The following HECTD2 variants were observed in gnomAD, a reference collection of about 807,000 sequenced individuals.
HECTD2 encodes the protein HECT domain E3 ubiquitin protein ligase 2, also known as probable E3 ubiquitin-protein ligase HECTD2.
Under a neutral mutation model 103.2 loss-of-function variants are expected in HECTD2, and 35 were observed. The ratio of observed to expected loss-of-function variants is 0.34; its 90% CI spans 0.26 to 0.45. HECTD2 has a LOEUF of 0.45. Among genes scored for constraint, HECTD2 ranks in the 20% least tolerant of loss-of-function variants. The pLI is 1.00. For missense variants in HECTD2, 596 were observed against 937.4 expected (o/e 0.64, Z 4.76); for synonymous variants, 281 against 329.9 (o/e 0.85, Z 1.61).
At chr10:91,426,097 T>C (rs530813478) in intron 2 of HECTD2, among the ~76,000 whole-genome samples, 60 of 152,154 alleles carry the variant, frequency 3.9e-4, no homozygotes, top group African/African-American at 1.3e-3. Flanking sequence ...TCATTATAGG[T>C]AGAATATGAA....
chr10:91,432,445 G>A, intron 2 of HECTD2, among the ~76,000 whole-genome samples: 1 of 151,906 alleles, frequency 6.6e-6, no homozygotes, highest in East Asian at 1.9e-4. Context: ...TAAGTGAGAA[G>A]TGTAGGAGTT....
chr10:91,478,585 G>A (rs889093086), intron 6 of HECTD2, among the ~76,000 whole-genome samples: 2 of 152,054 alleles, frequency 1.3e-5, no homozygotes, highest in Admixed American at 6.5e-5. Context: ...CTGAAATAAT[G>A]AGCATTAAAT....
At chr10:91,440,543 T>C (rs907464383) in intron 2 of HECTD2, among the ~76,000 whole-genome samples, 19 of 149,864 alleles carry the variant, frequency 1.3e-4, no homozygotes, top group Admixed American at 1.2e-3. Flanking sequence ...ATTTTCTTTT[T>C]TTGTTGTGTC....
At chr10:91,498,077 G>GA (rs770328303) in intron 15 of HECTD2, 31 bp from the exon 16 acceptor site, 59 of 1,477,398 alleles carry the variant, frequency 4.0e-5, no homozygotes, top group African/African-American at 4.2e-5. Context: ...CTATTCTATT[G>GA]AAAAAATCAT....
At chr10:91,497,107 G>A (rs1846698703) in intron 15 of HECTD2, among the ~76,000 whole-genome samples, 1 of 139,426 alleles carries the variant, frequency 7.2e-6, no homozygotes, top group Admixed American at 7.2e-5. Context: ...TTTTAGGCAT[G>A]TGCCACCGTG....
chr10:91,474,886 TTAA>T (rs759586839), intron 5 of HECTD2, among the ~76,000 whole-genome samples: 11 of 152,306 alleles, frequency 7.2e-5, no homozygotes, highest in Admixed American at 1.3e-4. Context: ...AATTGAGGTC[TTAA>T]TGATGAAAAT....
chr10:91,497,070 G>A (rs968166761), intron 15 of HECTD2, among the ~76,000 whole-genome samples: 48 of 146,592 alleles, frequency 3.3e-4, no homozygotes, highest in Non-Finnish European at 4.5e-5. Flanking sequence ...AGTGATTCTC[G>A]TGCCTCAGCC....
In HECTD2 at chr10:91,492,413, G is replaced by GT. The variant is rs1362856718; in HGVS notation, c.1364dup (p.Leu455PhefsTer8). ...AAAGTTACATTTGTAGGGGAAGCTG[G>GT]TTTGGATATGGGTGGTTTGACTAAA... On this transcript the variant is annotated frameshift_variant, in exon 13 of 21. Coordinates refer to ENST00000298068, the MANE Select transcript of HECTD2 (RefSeq NM_182765.6). LOFTEE classifies it high-confidence loss of function. 6.2e-7 allele frequency: 1 copy of GT among 1,613,272 alleles called. No individual in the cohort carries two copies.
At chr10:91,478,652 A>T (rs1373535151) in intron 6 of HECTD2, among the ~76,000 whole-genome samples, 1 of 152,114 alleles carries the variant, frequency 6.6e-6, no homozygotes, top group Admixed American at 6.5e-5. Flanking sequence ...TATTATAGGG[A>T]CGCCTAAGGC....
intron 20 of HECTD2, among the ~76,000 whole-genome samples, chr10:91,503,740 A>G (rs1312460241): frequency 2.0e-5 from 3 of 152,182 alleles, no homozygotes; most frequent in Non-Finnish European, 2.9e-5. Flanking sequence ...AGGTAAACGA[A>G]GCAGCCAGGA....
chr10:91,479,083 A>G (rs1846002681), intron 6 of HECTD2, among the ~76,000 whole-genome samples: 3 of 152,126 alleles, frequency 2.0e-5, no homozygotes, highest in Non-Finnish European at 2.9e-5. Context: ...ATGTGGTTGC[A>G]CCGTCCTGTA....
chr10:91,493,412 T>G lies in HECTD2; in HGVS notation c.1433-8T>G. The G allele has an allele frequency of 6.8e-7, 1 of 1,468,468 alleles. No individual in the cohort carries two copies. The highest frequency in any genetic ancestry group is 9.1e-7 in the Non-Finnish European group (1 of 1,097,760). 91.0% of individuals were successfully genotyped at this position (1,468,468 alleles called of 1,614,324 possible). A position where few individuals can be genotyped will look rare whatever the true frequency, so the allele number is the denominator to read the frequency against. Reference sequence around the variant, plus strand: ...GTTAATAATAACATTATTCGTGTGTTTTTTTAGGCATGTTTACATATCACA... The same window carrying G: ...GTTAATAATAACATTATTCGTGTGTGTTTTTAGGCATGTTTACATATCACA... On this transcript the variant is annotated splice_polypyrimidine_tract_variant and splice_region_variant and intron_variant, in intron 13 of 20. Coordinates refer to ENST00000298068, the MANE Select transcript of HECTD2 (RefSeq NM_182765.6).
At position 91,491,202 on chromosome 10, in the gene HECTD2, A is replaced by G; in HGVS notation, c.1194A>G (p.Gln398=). The change falls in exon 12 of 21, where the codon CAA becomes CAG. Residue 398 remains glutamine (Q), a splice_region_variant and synonymous_variant. Coordinates refer to ENST00000298068, the MANE Select transcript of HECTD2 (RefSeq NM_182765.6). ...SEQQMINIAR[Q]SLVDKVSRRQ... ...TGTTTACTTTCTTATTTAATCAGCAAAGTCTGGTGGATAAAGTATCTCGAA... is the reference window on the plus strand; with the variant it reads ...TGTTTACTTTCTTATTTAATCAGCAGAGTCTGGTGGATAAAGTATCTCGAA... 1.3e-6 allele frequency: 2 copies of G among 1,510,182 alleles called. No individual in the cohort carries two copies. Among genetic ancestry groups the G allele is most frequent in the Non-Finnish European group, 1.8e-6 (2 of 1,092,390 alleles). The allele number at this position is 1,510,182 out of a possible 1,614,324, so 93.5% of individuals were successfully genotyped here.
At chr10:91,508,119 A>G (rs1220872973) in intron 20 of HECTD2, among the ~76,000 whole-genome samples, 1 of 102,434 alleles carries the variant, frequency 9.8e-6, no homozygotes, top group Admixed American at 9.6e-5. Context: ...ACAAAAATCA[A>G]TTCAAGATGG....
chr10:91,419,486 A>G (rs1185606823), intron 1 of HECTD2, among the ~76,000 whole-genome samples: 3 of 152,182 alleles, frequency 2.0e-5, no homozygotes, highest in Admixed American at 1.3e-4. Flanking sequence ...ATGTGATTAT[A>G]TCATCAAAAA....
In HECTD2 at chr10:91,512,290, A is replaced by T; in HGVS notation, c.2237A>T (p.Asn746Ile). ...NCLPVAHTCF[N>I]QLCLPPYKSK... ...TTACCTGTGGCCCATACCTGCTTCA[A>T]TCAACTTTGCCTTCCCCCCTACAAG... Residue 746 changes from asparagine (N) to isoleucine (I), a missense_variant, in exon 21 of 21, where the codon AAT becomes ATT. By Grantham distance (149) the Asn-to-Ile change is moderately radical. Coordinates refer to ENST00000298068, the MANE Select transcript of HECTD2 (RefSeq NM_182765.6). The T allele has an allele frequency of 6.2e-7, 1 of 1,613,744 alleles. No homozygotes were observed. Among genetic ancestry groups the T allele is most frequent in the Non-Finnish European group, 8.5e-7 (1 of 1,179,844 alleles).
intron 5 of HECTD2, among the ~76,000 whole-genome samples, chr10:91,476,285 T>C (rs750624809): frequency 1.3e-5 from 2 of 152,180 alleles, no homozygotes; most frequent in Non-Finnish European, 2.9e-5. Context: ...AGAATTTACA[T>C]AGGGACAGTG....
At chr10:91,424,741 T>TA (rs1276355926) in intron 1 of HECTD2, among the ~76,000 whole-genome samples, 3 of 151,608 alleles carry the variant, frequency 2.0e-5, no homozygotes, top group African/African-American at 4.8e-5. Flanking sequence ...GCACTACTTC[T>TA]AAAAAAAAAT....
intron 5 of HECTD2, 119 bp downstream of exon 5, chr10:91,462,303 T>C: frequency 3.4e-6 from 4 of 1,192,546 alleles, no homozygotes; most frequent in Non-Finnish European, 4.4e-6. Flanking sequence ...TACAATTTTA[T>C]AGTAAATGTA....
Sources: gnomAD v4.1 joint callset for allele counts (sites outside exome capture counted in the v4.1 genomes callset) on GRCh38, gnomAD v4.1.1 for gene constraint, MANE v1.5 for transcripts, NCBI Gene and HGNC (gene_info 2026-07-23, HGNC 2026-07-21) for gene names.